ITPR2: variants seen among roughly 807,000 people sequenced by gnomAD.
ITPR2 encodes the protein inositol 1,4,5-trisphosphate receptor type 2.
In ITPR2, 207 loss-of-function variants were observed where a neutral mutation model predicts 317.1. That is an observed-to-expected ratio of 0.65 (90% confidence interval 0.58 to 0.73). ITPR2 has a LOEUF of 0.73. ITPR2 is among the 30% of genes least tolerant of loss of function. The pLI is 0.00. For synonymous variants in ITPR2, 1,156 were observed against 1,149.1 expected (o/e 1.01, Z -0.12); for missense variants, 2,613 against 3,284.0 (o/e 0.80, Z 4.99).
At chr12:26,468,556 A>C (rs2344159) in intron 45 of ITPR2, among the ~76,000 whole-genome samples, 106,736 of 147,444 alleles carry the variant, frequency 0.72, 39,572 homozygotes, top group Non-Finnish European at 0.81. Context: ...GCACTGAACA[A>C]ATATAGAAAC....
At chr12:26,468,593 T>A (rs1419351770) in intron 45 of ITPR2, among the ~76,000 whole-genome samples, 1 of 150,010 alleles carries the variant, frequency 6.7e-6, no homozygotes, top group African/African-American at 2.4e-5. Context: ...GATAATTGCA[T>A]CTGTACACAA....
At chr12:26,397,919 A>G (rs1375488205) in intron 54 of ITPR2, among the ~76,000 whole-genome samples, 1 of 152,062 alleles carries the variant, frequency 6.6e-6, no homozygotes, top group Non-Finnish European at 1.5e-5. Context: ...GAGACCAGCT[A>G]CAAAGACAAC....
intron 37 of ITPR2, among the ~76,000 whole-genome samples, chr12:26,545,384 GC>G (rs1944371159): frequency 6.6e-6 from 1 of 152,046 alleles, no homozygotes; most frequent in Non-Finnish European, 1.5e-5. Context: ...GGGAAGGGGG[GC>G]GGGAAATAGG....
At chr12:26,769,703 C>T (rs1038170837) in intron 2 of ITPR2, among the ~76,000 whole-genome samples, 13 of 152,120 alleles carry the variant, frequency 8.5e-5, no homozygotes, top group African/African-American at 3.1e-4. Flanking sequence ...CCCTCCTTCT[C>T]AGTGGAGACA....
chr12:26,482,232 C>CA (rs1942558300), intron 42 of ITPR2, among the ~76,000 whole-genome samples: 1 of 152,188 alleles, frequency 6.6e-6, no homozygotes. Context: ...AAATATTTCC[C>CA]AAACTTAAAG....
At chr12:26,424,586 G>GTTTTTTTTT (rs775756580) in intron 49 of ITPR2, among the ~76,000 whole-genome samples, 57 of 88,720 alleles carry the variant, frequency 6.4e-4, no homozygotes, top group Middle Eastern at 8.6e-3. Flanking sequence ...TTCGTTTTGT[G>GTTTTTTTTT]TTTTTTTTTT....
At chr12:26,679,638 C>G (rs1360110730) in intron 13 of ITPR2, among the ~76,000 whole-genome samples, 1 of 152,154 alleles carries the variant, frequency 6.6e-6, no homozygotes, top group African/African-American at 2.4e-5. Context: ...GAATGTCACA[C>G]ATAGTACTAC....
At chr12:26,348,887 C>A (rs7978056) in intron 55 of ITPR2, among the ~76,000 whole-genome samples, 3 of 151,914 alleles carry the variant, frequency 2.0e-5, no homozygotes, top group African/African-American at 7.3e-5. Context: ...GGTCAACATA[C>A]CAAGACCTCA....
intron 2 of ITPR2, among the ~76,000 whole-genome samples, chr12:26,735,141 C>T (rs564681458): frequency 1.3e-5 from 2 of 152,042 alleles, no homozygotes; most frequent in South Asian, 4.2e-4. Flanking sequence ...GCTGGGATTA[C>T]AGGCATGCAT....
Position 26,655,887 on chromosome 12 carries a change from C to G in ITPR2, c.2445-35G>C, listed in dbSNP as rs568147124. On this transcript the variant is annotated intron_variant, in intron 19 of 56. Coordinates refer to ENST00000381340, the MANE Select transcript of ITPR2 (RefSeq NM_002223.4). ...GAGAAAGAAGATAACGCAAGTTAAA[C>G]TGATTGCAATCATTTAAAAATAGGA... The G allele has an allele frequency of 1.1e-5, 17 of 1,573,808 alleles. No homozygotes were observed. In the African/African-American group the frequency reaches 2.3e-4, roughly 21 times the overall value.
At chr12:26,358,623 TG>T (rs1565486992) in intron 55 of ITPR2, among the ~76,000 whole-genome samples, 1 of 152,104 alleles carries the variant, frequency 6.6e-6, no homozygotes, top group Non-Finnish European at 1.5e-5. Flanking sequence ...TTGTCAGGAG[TG>T]AATTCTGTGT....
intron 34 of ITPR2, among the ~76,000 whole-genome samples, chr12:26,576,399 G>C (rs998534695): frequency 6.6e-6 from 1 of 151,922 alleles, no homozygotes; most frequent in East Asian, 1.9e-4. Flanking sequence ...CTTTATTTTT[G>C]TGTGTCCTTC....
intron 51 of ITPR2, among the ~76,000 whole-genome samples, chr12:26,412,125 G>A (rs934317813): frequency 6.6e-6 from 1 of 152,136 alleles, no homozygotes; most frequent in South Asian, 2.1e-4. Flanking sequence ...AGCCATCGAG[G>A]GAAGTCTTCA....
At chr12:26,482,451 T>G (rs1392874177) in intron 42 of ITPR2, among the ~76,000 whole-genome samples, 1 of 152,218 alleles carries the variant, frequency 6.6e-6, no homozygotes, top group Non-Finnish European at 1.5e-5. Context: ...CAAGCTTTCC[T>G]GGAAACAGCA....
chr12:26,618,311 C>T (rs1946415388), intron 26 of ITPR2, among the ~76,000 whole-genome samples: 1 of 152,126 alleles, frequency 6.6e-6, no homozygotes, highest in African/African-American at 2.4e-5. Context: ...CATTACCTGA[C>T]TTGAAGTGAA....
At chr12:26,459,389 C>A (rs765337650) in intron 45 of ITPR2, among the ~76,000 whole-genome samples, 18 of 152,200 alleles carry the variant, frequency 1.2e-4, no homozygotes, top group South Asian at 4.1e-4. Context: ...ACTGTGCATT[C>A]TGGCGTGTGT....
intron 15 of ITPR2, among the ~76,000 whole-genome samples, chr12:26,662,581 G>T (rs1257782224): frequency 6.6e-6 from 1 of 152,152 alleles, no homozygotes. Flanking sequence ...TGGATTAAGA[G>T]AAACCCTAAT....
chr12:26,817,573 T>C lies in ITPR2; in HGVS notation c.92+15117A>G, dbSNP rs559706735. Among the ~76,000 whole-genome samples the C allele has an allele frequency of 2.0e-5, 3 of 152,334 alleles. No homozygotes were observed. In the South Asian group the frequency reaches 6.2e-4, roughly 32 times the overall value. Reference sequence around the variant, plus strand: ...TTTCAGCCTTTTTCTATTCCTCCTTTTTACCACTGACTGATTTTTCTAGAG... The same window carrying C: ...TTTCAGCCTTTTTCTATTCCTCCTTCTTACCACTGACTGATTTTTCTAGAG... On this transcript the variant is annotated intron_variant, in intron 1 of 56. Coordinates refer to ENST00000381340, the MANE Select transcript of ITPR2 (RefSeq NM_002223.4).
intron 54 of ITPR2, among the ~76,000 whole-genome samples, chr12:26,392,076 G>A (rs1355388481): frequency 1.3e-5 from 2 of 152,002 alleles, no homozygotes; most frequent in South Asian, 2.1e-4. Flanking sequence ...CCATTCTCAC[G>A]GTTTTACCAT....
Sources: allele counts gnomAD v4.1 joint callset (sites outside exome capture counted in the v4.1 genomes callset), GRCh38; gene constraint gnomAD v4.1.1; transcripts MANE v1.5; gene names NCBI Gene and HGNC (gene_info 2026-07-23, HGNC 2026-07-21).